HPGDS: variants seen among roughly 807,000 people sequenced by gnomAD.
HPGDS encodes the protein GST class-sigma.
A neutral mutation model predicts 23.1 loss-of-function variants in HPGDS; 26 were observed. That is an observed-to-expected ratio of 1.13 (90% CI 0.83 to 1.56). The LOEUF is 1.56. Ranked by LOEUF, HPGDS falls within the 40% of genes most tolerant of loss-of-function variation. The pLI, the probability that HPGDS is intolerant of heterozygous loss-of-function variation, is 0.00. For synonymous variants in HPGDS, 95 were observed against 77.9 expected (o/e 1.22, Z -1.16); for missense variants, 268 against 236.4 (o/e 1.13, Z -0.88).
intron 2 of HPGDS, among the ~76,000 whole-genome samples, chr4:94,320,426 G>T (rs1756480049): frequency 6.6e-6 from 1 of 152,112 alleles, no homozygotes; most frequent in African/African-American, 2.4e-5. Flanking sequence ...AGCACCTGTT[G>T]TTTCCTGACT....
At chr4:94,330,875 A>C (rs1756722421) in intron 2 of HPGDS, among the ~76,000 whole-genome samples, 1 of 152,242 alleles carries the variant, frequency 6.6e-6, no homozygotes. Flanking sequence ...AATTTAAAGG[A>C]GTTTAACTGA....
chr4:94,334,561 A>C lies in HPGDS; in HGVS notation c.69T>G (p.Ala23=). The C allele has an allele frequency of 1.9e-6, 3 of 1,613,468 alleles. No individual in the cohort carries two copies. Among genetic ancestry groups the C allele is most frequent in the Non-Finnish European group, 2.5e-6 (3 of 1,179,606 alleles). ...GRAEIIRYIF[A]YLDIQYEDHR... ...GGTCTTCATACTGTATGTCCAAATA[A>C]GCAAATATGTAACGAATAATTTCTG... Residue 23 remains alanine (A), a synonymous_variant, in exon 2 of 6, where the codon GCT becomes GCG. Coordinates refer to ENST00000295256, the MANE Select transcript of HPGDS (RefSeq NM_014485.3).
At chr4:94,312,081 A>G (rs1756286260) in intron 3 of HPGDS, among the ~76,000 whole-genome samples, 1 of 152,104 alleles carries the variant, frequency 6.6e-6, no homozygotes, top group Non-Finnish European at 1.5e-5. Flanking sequence ...GATCTTTTCA[A>G]AAAATAAGCT....
intron 2 of HPGDS, among the ~76,000 whole-genome samples, chr4:94,322,986 GA>G (rs1756547912): frequency 6.6e-6 from 1 of 152,210 alleles, no homozygotes; most frequent in Non-Finnish European, 1.5e-5. Flanking sequence ...TGGTTTCAAA[GA>G]ATATGTTTAT....
intron 2 of HPGDS, among the ~76,000 whole-genome samples, chr4:94,324,451 T>C (rs1756586812): frequency 6.6e-6 from 1 of 152,276 alleles, no homozygotes; most frequent in South Asian, 2.1e-4. Context: ...GAGACTTTGT[T>C]CATTTCTTTT....
chr4:94,324,881 C>T (rs547620611), intron 2 of HPGDS, among the ~76,000 whole-genome samples: 1 of 152,286 alleles, frequency 6.6e-6, no homozygotes, highest in Non-Finnish European at 1.5e-5. Flanking sequence ...CTGGTTTCTC[C>T]CCATCTTTGT....
intron 1 of HPGDS, among the ~76,000 whole-genome samples, chr4:94,338,293 T>A (rs1310492409): frequency 6.6e-6 from 1 of 151,968 alleles, no homozygotes; most frequent in African/African-American, 2.4e-5. Context: ...GATGTGGTGG[T>A]GTGAGCCTGT....
intron 2 of HPGDS, among the ~76,000 whole-genome samples, chr4:94,320,244 GA>G (rs1560590304): frequency 6.6e-6 from 1 of 152,050 alleles, no homozygotes; most frequent in East Asian, 1.9e-4. Context: ...GTCTTTATGG[GA>G]GCATGATTTA....
At chr4:94,340,305 C>CTTTTTTT (rs781532046) in intron 1 of HPGDS, among the ~76,000 whole-genome samples, 1 of 26,200 alleles carries the variant, frequency 3.8e-5, no homozygotes, top group South Asian at 1.9e-3. Context: ...TTCTTTCTTT[C>CTTTTTTT]TTTCTCTTTT....
intron 3 of HPGDS, among the ~76,000 whole-genome samples, chr4:94,315,015 C>T (rs765916127): frequency 3.3e-5 from 5 of 152,138 alleles, no homozygotes; most frequent in South Asian, 4.1e-4. Context: ...AGGAGTGACC[C>T]GATTTTCCAG....
At chr4:94,309,000 C>G (rs1756199568) in intron 3 of HPGDS, among the ~76,000 whole-genome samples, 1 of 149,576 alleles carries the variant, frequency 6.7e-6, no homozygotes, top group Admixed American at 6.7e-5. Context: ...GCTTCCTCAT[C>G]CCATGTCCCC....
rs528277127 is a variant in HPGDS, at chr4:94,303,762, G to A, written c.337-1518C>T. On this transcript the variant is annotated intron_variant, in intron 4 of 5. Coordinates refer to ENST00000295256, the MANE Select transcript of HPGDS (RefSeq NM_014485.3). ...TGGACAACTTTCCAAAAACTCCTGT[G>A]TGCACTCCTGGCAAATTCTGTTCTT... 6 of 152,204 alleles carry A rather than the reference G, an allele frequency of 3.9e-5. No individual in the cohort carries two copies. The South Asian group carries it at 1.2e-3, about 32-fold the overall frequency. 9.4% of individuals were successfully genotyped at this position (152,204 alleles called of 1,614,324 possible).
chr4:94,307,676 T>A (rs546491970), intron 4 of HPGDS, among the ~76,000 whole-genome samples: 1 of 152,198 alleles, frequency 6.6e-6, no homozygotes, highest in South Asian at 2.1e-4. Flanking sequence ...CAAGAAATAT[T>A]GGAAATAACA....
chr4:94,299,251 A>G lies in HPGDS; in HGVS notation c.*229T>C, dbSNP rs749157376. ...GCAAAGCAAGGTCTGCCTGTATTAC[A>G]TACTATTTTTCTGTAATTGTAAATG... is the stretch of plus-strand genomic sequence containing the variant. On this transcript the variant is annotated 3_prime_UTR_variant, in exon 6 of 6. Coordinates refer to ENST00000295256, the MANE Select transcript of HPGDS (RefSeq NM_014485.3). 8.9e-6 allele frequency: 4 copies of G among 447,164 alleles called. No homozygotes were observed. Among genetic ancestry groups the G allele is most frequent in the African/African-American group, 5.9e-5 (3 of 51,206 alleles). 27.7% of individuals were successfully genotyped at this position (447,164 alleles called of 1,614,324 possible).
At chr4:94,331,123 C>T (rs1210682499) in intron 2 of HPGDS, among the ~76,000 whole-genome samples, 2 of 152,160 alleles carry the variant, frequency 1.3e-5, no homozygotes, top group African/African-American at 4.8e-5. Context: ...CTGGGATTGG[C>T]CAAGACTCAG....
intron 5 of HPGDS, 85 bp downstream of exon 5, chr4:94,302,061 G>T: frequency 2.4e-6 from 2 of 820,726 alleles, no homozygotes; most frequent in South Asian, 2.0e-5. Flanking sequence ...CTCCCTATAG[G>T]TAACTTTTTT....
intron 1 of HPGDS, among the ~76,000 whole-genome samples, chr4:94,341,303 C>A (rs529164380): frequency 5.6e-4 from 85 of 152,164 alleles, no homozygotes; most frequent in African/African-American, 2.0e-3. Context: ...AACAATTTAA[C>A]AATATATTAT....
intron 5 of HPGDS, among the ~76,000 whole-genome samples, chr4:94,300,281 AAG>A (rs1342146977): frequency 1.3e-5 from 2 of 152,234 alleles, no homozygotes; most frequent in African/African-American, 4.8e-5. Context: ...ATCACATAAA[AAG>A]AATATATGGA....
chr4:94,336,327 A>T (rs911526867), intron 1 of HPGDS, among the ~76,000 whole-genome samples: 2 of 152,166 alleles, frequency 1.3e-5, no homozygotes, highest in African/African-American at 4.8e-5. Flanking sequence ...TAGTGGGAAG[A>T]GGATGACCTG....
Sources: gnomAD v4.1 joint callset for allele counts (sites outside exome capture counted in the v4.1 genomes callset) on GRCh38, gnomAD v4.1.1 for gene constraint, MANE v1.5 for transcripts, NCBI Gene and HGNC (gene_info 2026-07-23, HGNC 2026-07-21) for gene names.